The following BRD3 variants were observed in gnomAD, a reference collection of about 807,000 sequenced individuals.
The protein encoded by BRD3 is bromodomain containing 3.
In BRD3, 17 loss-of-function variants were observed where a neutral mutation model predicts 66.8. The observed-to-expected ratio is 0.25, with a 90% confidence interval of 0.17 to 0.38. BRD3 has a LOEUF of 0.38. Ranked by LOEUF, BRD3 falls within the 10% of genes least tolerant of loss-of-function variation. The probability of loss-of-function intolerance (pLI) is 1.00; values close to 1 mark genes in which losing one functional copy is unlikely to be tolerated. For synonymous variants in BRD3, 421 were observed against 393.2 expected, an observed-to-expected ratio of 1.07 and a Z score of -0.84; for missense variants, 713 against 956.1, an observed-to-expected ratio of 0.75 and a Z score of 3.35.
intron 8 of BRD3, 30 bp downstream of exon 8, chr9:134,041,728 CCT>C (rs1830051941): frequency 3.7e-6 from 6 of 1,601,398 alleles, no homozygotes; most frequent in Admixed American, 1.7e-5. Context: ...CGCCTCAGCC[CCT>C]GAACCCCACC....
At chr9:134,067,275 AG>A (rs1239166923) in intron 1 of BRD3, among the ~76,000 whole-genome samples, 3 of 151,548 alleles carry the variant, frequency 2.0e-5, no homozygotes, top group Non-Finnish European at 2.9e-5. Context: ...CCGGCAACTC[AG>A]GGGGGCTCAA....
At chr9:134,050,741 C>T (rs2132424255) in intron 4 of BRD3, among the ~76,000 whole-genome samples, 153 bp from the exon 5 acceptor site, 1 of 152,232 alleles carries the variant, frequency 6.6e-6, no homozygotes, top group African/African-American at 2.4e-5. Context: ...TGCCCCCCAT[C>T]CTGCATCTTG....
At chr9:134,034,934 A>G (rs1379709596) in intron 10 of BRD3, 105 bp from the exon 11 acceptor site, 24 of 1,521,268 alleles carry the variant, frequency 1.6e-5, no homozygotes, top group Non-Finnish European at 2.1e-5. Flanking sequence ...ACTGGCATCC[A>G]TGCCAGCTGC....
intron 7 of BRD3, among the ~76,000 whole-genome samples, chr9:134,043,666 T>C (rs1341360323): frequency 6.6e-6 from 1 of 152,078 alleles, no homozygotes; most frequent in Non-Finnish European, 1.5e-5. Flanking sequence ...GCTCAACTGA[T>C]AAAATTGCAC....
chr9:134,054,957 G>A (rs115350087), intron 1 of BRD3, among the ~76,000 whole-genome samples: 2,494 of 152,232 alleles, frequency 0.016, 71 homozygotes, highest in African/African-American at 0.056. Context: ...GAGAGAACGT[G>A]CCCCGTCTCT....
chr9:134,060,621 C>CACA (rs1491215754), intron 1 of BRD3, among the ~76,000 whole-genome samples: 1 of 148,088 alleles, frequency 6.8e-6, no homozygotes, highest in Non-Finnish European at 1.5e-5. Flanking sequence ...CACACACACA[C>CACA]GATCTGGAAT....
At position 134,033,638 on chromosome 9, in the gene BRD3, C is replaced by G. The variant is rs113301770; in HGVS notation, c.2133G>C (p.Gly711=). Residue 711 remains glycine, a synonymous_variant, in exon 12 of 12, where the codon GGG becomes GGC. Coordinates refer to ENST00000303407, the MANE Select transcript of BRD3 (RefSeq NM_007371.4). The surrounding 1 kb of genome is among the most constrained non-coding windows in gnomAD (Gnocchi z 5.1). ...AGCTGGACCCGCTGGAGCTGCTGCT[C>G]CCAGACTCGGAGGAGCTGCTGCTGC... The part of the protein sequence containing the change: ...RLSSSSSSES[G]SSSSSGSSSD... 1.4e-4 allele frequency: 110 copies of G among 771,642 alleles called. No individual in the cohort carries two copies. In the Admixed American group the frequency reaches 1.7e-3, roughly 12 times the overall value. The allele number at this position is 771,642 out of a possible 1,614,324, so 47.8% of individuals were successfully genotyped here.
In BRD3 at chr9:134,053,468, C is replaced by T. The variant is rs542011880; in HGVS notation, c.10G>A (p.Ala4Thr). Reference sequence around the variant, plus strand: ...ATCCCCGCGGGGGCGACTGTCGTGGCGGTGGACATCCTCCGGCAGCTCACT... The same window carrying T: ...ATCCCCGCGGGGGCGACTGTCGTGGTGGTGGACATCCTCCGGCAGCTCACT... MST[A>T]TTVAPAGIPA... The change falls in exon 2 of 12, where the codon GCC becomes ACC. Residue 4 changes from alanine to threonine, a missense_variant. By Grantham distance (58) the Ala-to-Thr change is moderately conservative. This residue lies in a region of BRD3 where 48 missense variants were observed against 42.5 expected (regional missense o/e 1.13). Transcript: ENST00000303407. The T allele has an allele frequency of 8.1e-6, 13 of 1,598,184 alleles. No individual in the cohort carries two copies. The highest frequency in any genetic ancestry group is 4.4e-5 in the South Asian group (4 of 90,314).
At chr9:134,046,179 G>A in intron 6 of BRD3, among the ~76,000 whole-genome samples, 1 of 152,230 alleles carries the variant, frequency 6.6e-6, no homozygotes, top group South Asian at 2.1e-4. Context: ...CACACAGTCA[G>A]TCCCCAGAGC....
At chr9:134,037,692 T>C (rs1462811150) in intron 9 of BRD3, among the ~76,000 whole-genome samples, 5 of 145,126 alleles carry the variant, frequency 3.4e-5, no homozygotes, top group African/African-American at 1.2e-4. Flanking sequence ...AGATCAGAAA[T>C]AAATAAAAGT....
intron 1 of BRD3, among the ~76,000 whole-genome samples, chr9:134,066,589 G>C (rs1184209665): frequency 2.0e-5 from 3 of 150,976 alleles, no homozygotes; most frequent in African/African-American, 7.3e-5. Context: ...CCATTTTAAA[G>C]AAAAGAGTAA....
chr9:134,067,934 G>C lies in BRD3; in HGVS notation c.-114+11C>G, dbSNP rs2132468598. ...GCCCCGCGCGCGCAAGGAAGCAAGAGAAAGGCGTACTTGGCCTCGCGGCTC... is the reference window on the plus strand; with the variant it reads ...GCCCCGCGCGCGCAAGGAAGCAAGACAAAGGCGTACTTGGCCTCGCGGCTC... On this transcript the variant is annotated intron_variant, in intron 1 of 11. Transcript: ENST00000303407. 6.9e-6 allele frequency: 1 copy of C among 145,698 alleles called. No homozygotes were observed. The highest frequency in any genetic ancestry group is 1.5e-5 in the Non-Finnish European group (1 of 65,342). 9.0% of individuals were successfully genotyped at this position (145,698 alleles called of 1,614,324 possible).
chr9:134,054,782 C>T (rs1179493147), intron 1 of BRD3, among the ~76,000 whole-genome samples: 1 of 152,112 alleles, frequency 6.6e-6, no homozygotes, highest in Non-Finnish European at 1.5e-5. Flanking sequence ...TGGGCAGTTA[C>T]ACCACAGCCA....
At position 134,041,899 on chromosome 9, in the gene BRD3, G is replaced by T; in HGVS notation, c.1268C>A (p.Pro423Gln). 6.2e-7 allele frequency: 1 copy of T among 1,609,798 alleles called. No individual in the cohort carries two copies. Among genetic ancestry groups the T allele is most frequent in the African/African-American group, 1.3e-5 (1 of 74,964 alleles). Residue 423 changes from proline (P) to glutamine (Q), a missense_variant, in exon 8 of 12, where the codon CCG becomes CAG. Pro to Gln is a moderately conservative substitution (Grantham distance 76). Transcript: ENST00000303407. Reference protein sequence around the residue: ...AKMPDEPVEAPALPAPAAPMV... With the variant: ...AKMPDEPVEAQALPAPAAPMV... ...GGGGGCCGCGGGGGCAGGCAGCGCC[G>T]GTGCCTCCACGGGCTCATCTGGCAT...
chr9:134,049,754 G>A (rs1329197198), intron 5 of BRD3, among the ~76,000 whole-genome samples: 1 of 152,228 alleles, frequency 6.6e-6, no homozygotes, highest in Non-Finnish European at 1.5e-5. Flanking sequence ...GCCCCAGAGG[G>A]TTGCTGTGAG....
chr9:134,052,258 C>A (rs574931715), intron 3 of BRD3, 48 bp downstream of exon 3: 2 of 1,601,386 alleles, frequency 1.2e-6, no homozygotes, highest in African/African-American at 1.3e-5. Context: ...CGTTGCACAG[C>A]GCCCCAATCC....
At chr9:134,049,039 G>T (rs551483125) in intron 5 of BRD3, among the ~76,000 whole-genome samples, 5 of 152,280 alleles carry the variant, frequency 3.3e-5, no homozygotes, top group Admixed American at 2.0e-4. Context: ...GGGACCTCAG[G>T]GATTGAGTGG....
At chr9:134,051,228 C>T (rs13297815) in intron 4 of BRD3, among the ~76,000 whole-genome samples, 1,694 of 152,306 alleles carry the variant, frequency 0.011, 14 homozygotes, top group Middle Eastern at 0.017. Context: ...ACAGGCCCCA[C>T]GCGTCGTGGA....
In BRD3 at chr9:134,048,111, T is replaced by A; in HGVS notation, c.1058A>T (p.Lys353Met). 1 of 1,593,134 alleles carries A rather than the reference T, an allele frequency of 6.3e-7. No individual in the cohort carries two copies. The highest frequency in any genetic ancestry group is 8.6e-7 in the Non-Finnish European group (1 of 1,168,940). The change falls in exon 6 of 12, where the codon AAG becomes ATG. Residue 353 changes from lysine (K) to methionine (M), a missense_variant. Lys to Met is a moderately conservative substitution (Grantham distance 95, BLOSUM62 -1). Transcript: ENST00000303407. ...CACGGTGCTGAGGTCCATCGGGTGC[T>A]TGATGATGTCGTGGTAGTCGTGCAG... is the stretch of plus-strand genomic sequence containing the variant. Reference protein sequence around the residue: ...LELHDYHDIIKHPMDLSTVKR... With the variant: ...LELHDYHDIIMHPMDLSTVKR...
Sources: gnomAD v4.1 joint callset for allele counts (sites outside exome capture counted in the v4.1 genomes callset) on GRCh38, gnomAD v4.1.1 for gene constraint, gnomAD v4.1.1 regional missense constraint, Gnocchi (gnomAD v3.1) non-coding constraint, MANE v1.5 for transcripts, NCBI Gene and HGNC (gene_info 2026-07-23, HGNC 2026-07-21) for gene names.